Variants in FAM135A observed in about 807,000 individuals in gnomAD.
FAM135A encodes family with sequence similarity 135 member A, also known as protein FAM135A.
In FAM135A, 79 loss-of-function variants were observed where a neutral mutation model predicts 146.8. The observed-to-expected ratio is 0.54, with a 90% CI of 0.45 to 0.65. The LOEUF (loss-of-function observed/expected upper bound fraction) is 0.65. FAM135A is among the 30% of genes least tolerant of loss of function. The pLI is 0.00. For synonymous variants in FAM135A, 562 were observed against 603.6 expected, an observed-to-expected ratio of 0.93 and a Z score of 1.01; for missense variants, 1,623 against 1,758.2, an observed-to-expected ratio of 0.92 and a Z score of 1.38.
At chr6:70,416,228 T>TG (rs201933355) in intron 2 of FAM135A, among the ~76,000 whole-genome samples, 30,474 of 152,034 alleles carry the variant, frequency 0.2, 3,283 homozygotes, top group African/African-American at 0.29. Flanking sequence ...TTAACTAATG[T>TG]TCACACATTA....
chr6:70,485,488 CTAATA>C (rs1784442708), intron 10 of FAM135A, among the ~76,000 whole-genome samples: 1 of 151,990 alleles, frequency 6.6e-6, no homozygotes, highest in East Asian at 1.9e-4. Context: ...ATTGTGAACA[CTAATA>C]TATTTCTATA....
chr6:70,423,272 A>G (rs1476225848), intron 2 of FAM135A, among the ~76,000 whole-genome samples: 1 of 152,236 alleles, frequency 6.6e-6, no homozygotes, highest in Non-Finnish European at 1.5e-5. Context: ...ATTTTAAGGC[A>G]GTAAGATTGG....
intron 20 of FAM135A, among the ~76,000 whole-genome samples, chr6:70,541,436 C>T (rs1217051039): frequency 1.3e-5 from 2 of 152,168 alleles, no homozygotes; most frequent in African/African-American, 4.8e-5. Context: ...AAAACTCCTT[C>T]TTGAAATATT....
intron 12 of FAM135A, chr6:70,503,194 G>C (rs1306529863): frequency 6.4e-6 from 1 of 155,250 alleles, no homozygotes; most frequent in African/African-American, 2.4e-5. Context: ...ATATAGGAAT[G>C]TGTATTATTA....
chr6:70,447,918 T>C (rs774310346), intron 4 of FAM135A, among the ~76,000 whole-genome samples: 1 of 152,200 alleles, frequency 6.6e-6, no homozygotes, highest in East Asian at 1.9e-4. Context: ...AGTAGCCTTA[T>C]GCAGATTACC....
intron 4 of FAM135A, 99 bp from the exon 5 acceptor site, chr6:70,452,393 C>T: frequency 2.3e-6 from 2 of 854,152 alleles, no homozygotes; most frequent in Non-Finnish European, 3.6e-6. Context: ...TATAATTAGG[C>T]CAACTTTATT....
chr6:70,516,870 A>G (rs1451641324), intron 12 of FAM135A, among the ~76,000 whole-genome samples: 1 of 152,086 alleles, frequency 6.6e-6, no homozygotes, highest in Non-Finnish European at 1.5e-5. Flanking sequence ...GATGGAACTT[A>G]TATTCTAGTA....
chr6:70,472,986 T>A (rs867606254), intron 5 of FAM135A, among the ~76,000 whole-genome samples: 7 of 152,334 alleles, frequency 4.6e-5, no homozygotes, highest in Middle Eastern at 3.4e-3. Flanking sequence ...ATTACTCTTT[T>A]TCACTTTGCA....
At chr6:70,416,349 A>G (rs551304678) in intron 2 of FAM135A, among the ~76,000 whole-genome samples, 17 of 152,316 alleles carry the variant, frequency 1.1e-4, no homozygotes, top group African/African-American at 3.4e-4. Flanking sequence ...AGTTACACCT[A>G]TATCTTTAGT....
intron 5 of FAM135A, among the ~76,000 whole-genome samples, chr6:70,457,943 T>A (rs950399658): frequency 5.3e-5 from 8 of 152,078 alleles, no homozygotes; most frequent in Non-Finnish European, 7.4e-5. Context: ...TCTGATACGA[T>A]CAGTTGCATA....
intron 10 of FAM135A, among the ~76,000 whole-genome samples, chr6:70,487,597 T>A (rs572737205): frequency 6.5e-4 from 99 of 152,268 alleles, no homozygotes; most frequent in Middle Eastern, 6.8e-3. Context: ...GGAAACTGAT[T>A]TTCTTGTCAG....
intron 4 of FAM135A, among the ~76,000 whole-genome samples, chr6:70,449,857 G>A (rs188109123): frequency 5.9e-5 from 9 of 152,282 alleles, no homozygotes; most frequent in African/African-American, 2.2e-4. Context: ...CATAATGGCT[G>A]TGCTAATTTA....
intron 3 of FAM135A, among the ~76,000 whole-genome samples, chr6:70,427,342 G>T (rs1479200186): frequency 6.6e-6 from 1 of 152,034 alleles, no homozygotes; most frequent in African/African-American, 2.4e-5. Context: ...GACCAGCCTG[G>T]CCAACATGGC....
chr6:70,529,176 A>C (rs1479631210), intron 16 of FAM135A, among the ~76,000 whole-genome samples: 1 of 151,998 alleles, frequency 6.6e-6, no homozygotes, highest in East Asian at 1.9e-4. Context: ...TAGAAGTTAA[A>C]ATTTCATTAA....
At chr6:70,541,853 A>G (rs1263340456) in intron 20 of FAM135A, among the ~76,000 whole-genome samples, 3 of 152,170 alleles carry the variant, frequency 2.0e-5, no homozygotes, top group Non-Finnish European at 4.4e-5. Context: ...AGAAACTTAG[A>G]AAGTGTTCTT....
At chr6:70,420,905 CAG>C (rs1768678425) in intron 2 of FAM135A, among the ~76,000 whole-genome samples, 1 of 150,150 alleles carries the variant, frequency 6.7e-6, no homozygotes, top group Non-Finnish European at 1.5e-5. Context: ...TTTTTGGAGA[CAG>C]AGTCTTACTG....
chr6:70,533,367 A>T (rs1041272934), intron 17 of FAM135A, 116 bp downstream of exon 17: 11 of 669,204 alleles, frequency 1.6e-5, no homozygotes, highest in African/African-American at 1.8e-5. Flanking sequence ...GATTTCTATG[A>T]AATTTAATAT....
intron 5 of FAM135A, among the ~76,000 whole-genome samples, chr6:70,461,548 G>A (rs74355118): frequency 0.028 from 4,312 of 152,184 alleles, 77 homozygotes; most frequent in Non-Finnish European, 0.035. Flanking sequence ...AACATTTCAT[G>A]TTAATAAGTA....
intron 4 of FAM135A, among the ~76,000 whole-genome samples, chr6:70,433,199 C>A (rs1441961356): frequency 6.6e-6 from 1 of 151,790 alleles, no homozygotes; most frequent in African/African-American, 2.4e-5. Flanking sequence ...CTCAGCCTTC[C>A]GAGTAGCTGG....
Sources: allele counts gnomAD v4.1 joint callset (sites outside exome capture counted in the v4.1 genomes callset), GRCh38; gene constraint gnomAD v4.1.1; transcripts MANE v1.5; gene names NCBI Gene and HGNC (gene_info 2026-07-23, HGNC 2026-07-21).